The following RALGAPA2 variants were observed in gnomAD, a reference collection of about 807,000 sequenced individuals.
RALGAPA2 encodes Ral GTPase activating protein catalytic subunit alpha 2.
In RALGAPA2, 139 loss-of-function variants were observed where a neutral mutation model predicts 230.4. That is an observed-to-expected ratio of 0.60 (90% confidence interval 0.53 to 0.69). The LOEUF (loss-of-function observed/expected upper bound fraction) is 0.69, where lower values mean the gene tolerates loss of function less well. Ranked by LOEUF, RALGAPA2 falls within the 30% of genes least tolerant of loss-of-function variation. RALGAPA2 has a pLI of 0.00. For synonymous variants in RALGAPA2, 847 were observed against 837.8 expected, an observed-to-expected ratio of 1.01 and a Z score of -0.19; for missense variants, 2,163 against 2,276.0, an observed-to-expected ratio of 0.95 and a Z score of 1.01.
At chr20:20,611,241 A>C in intron 14 of RALGAPA2, 74 bp downstream of exon 14, 8 of 1,478,440 alleles carry the variant, frequency 5.4e-6, no homozygotes, top group Non-Finnish European at 7.2e-6. Flanking sequence ...TAAAATTCTC[A>C]ATGATTAAAA....
chr20:20,610,231 T>C (rs934664402), intron 14 of RALGAPA2, among the ~76,000 whole-genome samples: 1 of 152,224 alleles, frequency 6.6e-6, no homozygotes, highest in Non-Finnish European at 1.5e-5. Context: ...ACTGTACTAA[T>C]ATCTTTATTT....
intron 37 of RALGAPA2, among the ~76,000 whole-genome samples, chr20:20,453,233 C>T (rs2061030708): frequency 6.6e-6 from 1 of 152,178 alleles, no homozygotes; most frequent in South Asian, 2.1e-4. Context: ...ACAGATGTCT[C>T]TCCAGGTGAC....
chr20:20,634,001 A>ATC (rs527473247), intron 9 of RALGAPA2, among the ~76,000 whole-genome samples: 99 of 152,284 alleles, frequency 6.5e-4, no homozygotes, highest in African/African-American at 2.4e-3. Flanking sequence ...TTCAATACTA[A>ATC]TCTCAGTCTC....
chr20:20,578,502 C>T (rs1372292166), intron 20 of RALGAPA2, among the ~76,000 whole-genome samples: 5 of 152,044 alleles, frequency 3.3e-5, no homozygotes, highest in African/African-American at 1.2e-4. Context: ...TTTCTCCAAA[C>T]ACATAAATAA....
At chr20:20,608,389 A>C (rs973526540) in intron 14 of RALGAPA2, among the ~76,000 whole-genome samples, 45 of 152,186 alleles carry the variant, frequency 3.0e-4, no homozygotes, top group African/African-American at 1.1e-3. Flanking sequence ...AACATCACTT[A>C]AGGCAATAAG....
chr20:20,630,485 A>G (rs2066636805), intron 9 of RALGAPA2, among the ~76,000 whole-genome samples: 1 of 152,216 alleles, frequency 6.6e-6, no homozygotes, highest in Admixed American at 6.5e-5. Flanking sequence ...TCTCTAGAGA[A>G]AATTAATGGA....
intron 36 of RALGAPA2, among the ~76,000 whole-genome samples, chr20:20,493,170 C>A (rs552579839): frequency 2.6e-5 from 4 of 152,296 alleles, no homozygotes; most frequent in African/African-American, 9.6e-5. Flanking sequence ...GCCAAACAAA[C>A]AGACTTTCCC....
chr20:20,391,234 G>A lies in RALGAPA2; in HGVS notation c.*2055C>T, dbSNP rs1275918614. On this transcript the variant is annotated 3_prime_UTR_variant, in exon 40 of 40. Coordinates refer to ENST00000202677, the MANE Select transcript of RALGAPA2 (RefSeq NM_020343.4). The stretch of plus-strand genomic sequence containing the variant: ...AGGAGCAGCTCAACAGCAGGATCAA[G>A]CCTGAGTGATGGTGGCCAAGCTATG... 6.6e-6 allele frequency: 1 copy of A among 152,258 alleles called. No individual in the cohort carries two copies. Among genetic ancestry groups the A allele is most frequent in the Non-Finnish European group, 1.5e-5 (1 of 68,086 alleles). 9.4% of individuals were successfully genotyped at this position (152,258 alleles called of 1,614,324 possible). A position where few individuals can be genotyped will look rare whatever the true frequency, so the allele number is the denominator to read the frequency against.
At chr20:20,625,821 C>T (rs983276727) in intron 10 of RALGAPA2, among the ~76,000 whole-genome samples, 3 of 152,168 alleles carry the variant, frequency 2.0e-5, no homozygotes, top group Non-Finnish European at 4.4e-5. Context: ...ACTGCCTACA[C>T]GAAGCATTCT....
chr20:20,611,978 G>C (rs2065990478), intron 13 of RALGAPA2, among the ~76,000 whole-genome samples: 1 of 152,152 alleles, frequency 6.6e-6, no homozygotes, highest in African/African-American at 2.4e-5. Flanking sequence ...CTCATGTCTG[G>C]AAGATCCTGA....
intron 23 of RALGAPA2, among the ~76,000 whole-genome samples, chr20:20,570,415 C>A (rs1042536486): frequency 2.0e-5 from 3 of 152,078 alleles, no homozygotes; most frequent in Non-Finnish European, 4.4e-5. Flanking sequence ...TGCATCATAC[C>A]TTCAACGAAT....
intron 37 of RALGAPA2, among the ~76,000 whole-genome samples, chr20:20,465,433 G>A (rs2061400259): frequency 6.6e-6 from 1 of 152,172 alleles, no homozygotes; most frequent in African/African-American, 2.4e-5. Context: ...TCCCAGGTTA[G>A]GGGTCATCCC....
intron 33 of RALGAPA2, among the ~76,000 whole-genome samples, chr20:20,508,222 CAGA>C (rs2062593226): frequency 6.6e-6 from 1 of 152,280 alleles, no homozygotes; most frequent in African/African-American, 2.4e-5. Flanking sequence ...TGCTAGGATG[CAGA>C]AGCTGTGTCT....
intron 8 of RALGAPA2, among the ~76,000 whole-genome samples, chr20:20,636,877 T>C (rs2066878924): frequency 6.6e-6 from 1 of 152,162 alleles, no homozygotes; most frequent in Admixed American, 6.5e-5. Flanking sequence ...TGTCCATAGC[T>C]TGTCCAATCA....
intron 37 of RALGAPA2, among the ~76,000 whole-genome samples, chr20:20,418,890 C>T (rs1602313175): frequency 1.3e-5 from 2 of 152,150 alleles, no homozygotes; most frequent in African/African-American, 4.8e-5. Context: ...AGACATGCGT[C>T]ACCATGCCTG....
chr20:20,420,723 A>G (rs1454296655), intron 37 of RALGAPA2, among the ~76,000 whole-genome samples: 1 of 152,172 alleles, frequency 6.6e-6, no homozygotes, highest in Non-Finnish European at 1.5e-5. Context: ...AGATACTTAT[A>G]AAAATGAGAT....
At chr20:20,396,380 G>A (rs542879084) in intron 39 of RALGAPA2, among the ~76,000 whole-genome samples, 216 of 152,380 alleles carry the variant, frequency 1.4e-3, no homozygotes, top group African/African-American at 4.7e-3. Context: ...AAAAAAGGGG[G>A]CGGCCCCAGC....
intron 3 of RALGAPA2, among the ~76,000 whole-genome samples, chr20:20,675,064 G>C (rs777162586): frequency 7.2e-5 from 11 of 152,060 alleles, no homozygotes; most frequent in African/African-American, 2.7e-4. Context: ...AACAAATGAT[G>C]GTCAGTAGAT....
At chr20:20,550,990 C>T (rs999522836) in intron 23 of RALGAPA2, among the ~76,000 whole-genome samples, 1 of 152,122 alleles carries the variant, frequency 6.6e-6, no homozygotes, top group Non-Finnish European at 1.5e-5. Flanking sequence ...CACAAACAAG[C>T]CTCTTAGATC....
Sources: allele counts gnomAD v4.1 joint callset (sites outside exome capture counted in the v4.1 genomes callset), GRCh38; gene constraint gnomAD v4.1.1; transcripts MANE v1.5; gene names NCBI Gene and HGNC (gene_info 2026-07-23, HGNC 2026-07-21).